The following AEBP2 variants were observed in gnomAD, a reference collection of about 807,000 sequenced individuals.
AEBP2 encodes the protein AE binding protein 2.
AEBP2 carries 10 observed loss-of-function variants against 50.8 expected under a neutral mutation model. The ratio of observed to expected loss-of-function variants is 0.20; its 90% confidence interval spans 0.12 to 0.33. The LOEUF is 0.33. AEBP2 is among the 10% of genes least tolerant of loss of function. The pLI is 1.00. For missense variants in AEBP2, 570 were observed against 688.0 expected (o/e 0.83, Z 1.92); for synonymous variants, 296 against 261.3 (o/e 1.13, Z -1.28).
At chr12:19,459,676 G>C (rs1168794245) in intron 1 of AEBP2, among the ~76,000 whole-genome samples, 5 of 152,168 alleles carry the variant, frequency 3.3e-5, no homozygotes. Flanking sequence ...GAGTTTTACA[G>C]AGATTACAGA....
At chr12:19,489,833 T>C (rs2120420461) in intron 3 of AEBP2, among the ~76,000 whole-genome samples, 1 of 151,974 alleles carries the variant, frequency 6.6e-6, no homozygotes, top group East Asian at 1.9e-4. Flanking sequence ...ATATTTTTCT[T>C]TAATGTAAGC....
upstream of AEBP2, among the ~76,000 whole-genome samples, chr12:19,436,735 T>G (rs1947865267): frequency 6.6e-6 from 1 of 151,774 alleles, no homozygotes; most frequent in Non-Finnish European, 1.5e-5. Flanking sequence ...GGACTACAGG[T>G]GCACACCACC....
intron 1 of AEBP2, among the ~76,000 whole-genome samples, chr12:19,422,884 T>G (rs988001041): frequency 6.6e-5 from 10 of 151,438 alleles, no homozygotes; most frequent in Non-Finnish European, 1.0e-4. Flanking sequence ...GCCAACTTGT[T>G]GAGACCCCAT....
intron 1 of AEBP2, among the ~76,000 whole-genome samples, chr12:19,415,207 G>A (rs1592703208): frequency 6.7e-6 from 1 of 149,328 alleles, no homozygotes; most frequent in Admixed American, 6.8e-5. Flanking sequence ...CTAGCTACTT[G>A]GGGGGCTGAC....
At chr12:19,408,310 A>G (rs1016056658) in intron 1 of AEBP2, among the ~76,000 whole-genome samples, 1 of 152,064 alleles carries the variant, frequency 6.6e-6, no homozygotes, top group East Asian at 1.9e-4. Context: ...TAATCCCAGC[A>G]CTATGGGAGG....
chr12:19,412,366 C>T (rs1044190291), intron 1 of AEBP2, among the ~76,000 whole-genome samples: 7 of 152,016 alleles, frequency 4.6e-5, no homozygotes, highest in Non-Finnish European at 8.8e-5. Flanking sequence ...CAACCTCCAC[C>T]TCCTGGGTTC....
intron 3 of AEBP2, among the ~76,000 whole-genome samples, chr12:19,481,625 C>A (rs1190920568): frequency 1.3e-5 from 2 of 152,106 alleles, no homozygotes; most frequent in Non-Finnish European, 2.9e-5. Flanking sequence ...ATTACAGGCA[C>A]TTGCCAACAT....
At chr12:19,511,729 G>A (rs749874346) in intron 5 of AEBP2, among the ~76,000 whole-genome samples, 1 of 151,996 alleles carries the variant, frequency 6.6e-6, no homozygotes, top group South Asian at 2.1e-4. Context: ...CCCTTTTTGG[G>A]CCTGAAGTGC....
chr12:19,464,741 C>T (rs747187862), intron 2 of AEBP2, among the ~76,000 whole-genome samples: 2 of 151,634 alleles, frequency 1.3e-5, no homozygotes, highest in African/African-American at 4.8e-5. Context: ...CCTGAGCCAC[C>T]ATGCCTGGCT....
intron 1 of AEBP2, among the ~76,000 whole-genome samples, chr12:19,453,668 C>G (rs1948207944): frequency 1.3e-5 from 2 of 152,140 alleles, no homozygotes; most frequent in Admixed American, 1.3e-4. Context: ...AGGTGATCCA[C>G]CCGCCTTGGC....
rs199838574 is a variant in AEBP2, at chr12:19,514,804, T to A, written c.1481+20T>A. 6.4e-7 allele frequency: 1 copy of A among 1,559,040 alleles called. No individual in the cohort carries two copies. The highest frequency in any genetic ancestry group is 1.4e-5 in the African/African-American group (1 of 73,292). ...ATACAGGTAATTTAATTCTTGCCTT[T>A]ATGTTTTACTTTTTGATTTGTAATT... On this transcript the variant is annotated intron_variant, in intron 7 of 7. Coordinates refer to ENST00000266508, the MANE Select transcript of AEBP2 (RefSeq NM_153207.5).
At chr12:19,473,222 T>C in intron 2 of AEBP2, 26 bp from the exon 3 acceptor site, 1 of 1,199,136 alleles carries the variant, frequency 8.3e-7, no homozygotes, top group Non-Finnish European at 1.1e-6. Flanking sequence ...TCATGAAAAT[T>C]AATATGGTTC....
At chr12:19,423,064 CAAAAAAAAAAAAAAA>C (rs751550689) in intron 1 of AEBP2, among the ~76,000 whole-genome samples, 12 of 35,046 alleles carry the variant, frequency 3.4e-4, no homozygotes, top group African/African-American at 1.2e-3. Flanking sequence ...GACTCTGTCT[CAAAAAAAAAAAAAAA>C]AAAAAAAAAA....
chr12:19,424,548 C>T (rs1159730881), intron 1 of AEBP2, among the ~76,000 whole-genome samples: 1 of 151,952 alleles, frequency 6.6e-6, no homozygotes, highest in Non-Finnish European at 1.5e-5. Context: ...AGGCGCCCGC[C>T]ACCTCGCCTG....
rs1018236821 is a variant in AEBP2 at position 19,444,540 on chromosome 12, A to G, written c.671+4170A>G. Among the ~76,000 whole-genome samples the G allele has an allele frequency of 3.9e-5, 6 of 152,246 alleles. No individual in the cohort carries two copies. The East Asian group carries it at 7.7e-4, about 20-fold the overall frequency. On this transcript the variant is annotated intron_variant, in intron 1 of 7. Coordinates refer to ENST00000266508, the MANE Select transcript of AEBP2 (RefSeq NM_153207.5). The stretch of plus-strand genomic sequence containing the variant: ...ATGAGGTCAGGAGACTAGCCTGAGC[A>G]TGAACCACCAGACCTGGCGCAAATC...
chr12:19,442,615 C>T (rs1156727193), intron 1 of AEBP2, among the ~76,000 whole-genome samples: 1 of 152,162 alleles, frequency 6.6e-6, no homozygotes, highest in Non-Finnish European at 1.5e-5. Context: ...ACAAATCCAA[C>T]TACAGTTAAA....
intron 4 of AEBP2, among the ~76,000 whole-genome samples, chr12:19,496,523 G>A (rs1022037557): frequency 3.9e-5 from 6 of 152,076 alleles, no homozygotes; most frequent in Non-Finnish European, 1.5e-5. Flanking sequence ...ATACATATCT[G>A]TAGCAGTTAA....
intron 1 of AEBP2, among the ~76,000 whole-genome samples, chr12:19,452,318 C>A (rs941495562): frequency 6.7e-6 from 1 of 150,368 alleles, no homozygotes; most frequent in African/African-American, 2.5e-5. Context: ...TAAAAAAATA[C>A]GATCTCACAC....
At chr12:19,419,254 C>A (rs997608202) in intron 1 of AEBP2, 1 of 152,728 alleles carries the variant, frequency 6.5e-6, no homozygotes, top group Non-Finnish European at 1.5e-5. Context: ...CGGCTCCCAG[C>A]GCCGCCGCTT....
Sources: allele counts gnomAD v4.1 joint callset (sites outside exome capture counted in the v4.1 genomes callset), GRCh38; gene constraint gnomAD v4.1.1; transcripts MANE v1.5; gene names NCBI Gene and HGNC (gene_info 2026-07-23, HGNC 2026-07-21).